Variants in MEAK7 observed in about 807,000 individuals in gnomAD.
MEAK7 encodes MTOR-associated protein MEAK7.
In MEAK7, 68 loss-of-function variants were observed where a neutral mutation model predicts 40.5. That is an observed-to-expected ratio of 1.68 (90% CI 1.38 to 2.06). MEAK7 has a LOEUF of 2.06. MEAK7 is among the 30% of genes most tolerant of loss of function. MEAK7 has a pLI of 0.00. For synonymous variants in MEAK7, 338 were observed against 231.9 expected (o/e 1.46, Z -4.16); for missense variants, 918 against 580.5 (o/e 1.58, Z -5.98).
chr16:84,489,615 C>G (rs963636847), intron 3 of MEAK7, among the ~76,000 whole-genome samples, 193 bp from the exon 4 acceptor site: 2 of 152,140 alleles, frequency 1.3e-5, no homozygotes, highest in African/African-American at 4.8e-5. Flanking sequence ...TTTCCCAAAG[C>G]CTTTGTCCAG....
At chr16:84,494,702 C>T in intron 3 of MEAK7, 1 of 402,476 alleles carries the variant, frequency 2.5e-6, no homozygotes, top group Non-Finnish European at 4.9e-6. Flanking sequence ...CATGAGACTT[C>T]ACAACCTGGT....
intron 1 of MEAK7, chr16:84,504,180 CAAG>C: frequency 7.1e-6 from 7 of 985,206 alleles, no homozygotes; most frequent in Non-Finnish European, 8.4e-6. Flanking sequence ...GGTCAGAATA[CAAG>C]AAGGAAAACC....
chr16:84,490,011 T>A (rs192547403), intron 3 of MEAK7, among the ~76,000 whole-genome samples: 1 of 152,312 alleles, frequency 6.6e-6, no homozygotes, highest in East Asian at 1.9e-4. Flanking sequence ...GTCTTAAAAA[T>A]TCTCCTGATG....
chr16:84,488,815 T>G (rs765522780), intron 4 of MEAK7, among the ~76,000 whole-genome samples: 1 of 152,172 alleles, frequency 6.6e-6, no homozygotes, highest in Non-Finnish European at 1.5e-5. Context: ...AATGTGCAAG[T>G]GTAAATGCTT....
In MEAK7 at chr16:84,480,018, G is replaced by T; in HGVS notation, c.1266C>A (p.Gly422=). ...GDPSEEQLAK[G]NKSILDADPE... ...GGTCCGCATCCAGGATGCTCTTGTT[G>T]CCCTTGGCCTTGAGAAGAGAAGAAA... is the stretch of plus-strand genomic sequence containing the variant. The change falls in exon 8 of 8, where the codon GGC becomes GGA. Residue 422 remains glycine (G), a synonymous_variant. Coordinates refer to ENST00000343629, the MANE Select transcript of MEAK7 (RefSeq NM_020947.4). The T allele has an allele frequency of 6.3e-7, 1 of 1,599,342 alleles. No individual in the cohort carries two copies. The highest frequency in any genetic ancestry group is 8.5e-7 in the Non-Finnish European group (1 of 1,170,036).
intron 5 of MEAK7, 107 bp downstream of exon 5, chr16:84,486,524 T>G: frequency 6.8e-7 from 1 of 1,477,316 alleles, no homozygotes; most frequent in Non-Finnish European, 9.0e-7. Flanking sequence ...AGAGAAACAC[T>G]TGGAGAAGAT....
At chr16:84,487,310 C>T (rs1403490960) in intron 4 of MEAK7, 4 of 463,734 alleles carry the variant, frequency 8.6e-6, no homozygotes, top group Non-Finnish European at 1.5e-5. Context: ...GTATTTAGGA[C>T]ATATTATTAG....
intron 5 of MEAK7, among the ~76,000 whole-genome samples, chr16:84,485,351 T>C (rs970762951): frequency 3.3e-5 from 5 of 152,336 alleles, no homozygotes; most frequent in East Asian, 1.9e-4. Flanking sequence ...ATCTAGGAGA[T>C]AGAGGTGCCC....
intron 1 of MEAK7, among the ~76,000 whole-genome samples, chr16:84,501,123 AAAG>A (rs1431555307): frequency 2.8e-5 from 4 of 140,672 alleles, no homozygotes; most frequent in Admixed American, 7.3e-5. Flanking sequence ...AAAAAAAAAA[AAAG>A]AGGGGAAACA....
chr16:84,486,684 T>C lies in MEAK7; in HGVS notation c.905A>G (p.His302Arg), dbSNP rs758146257. 1 of 1,613,956 alleles carries C rather than the reference T, an allele frequency of 6.2e-7. No homozygotes were observed. The highest frequency in any genetic ancestry group is 8.5e-7 in the Non-Finnish European group (1 of 1,180,000). ...CVAVLEDHDKHVFGGFASCSW... is the reference protein window; with the variant it reads ...CVAVLEDHDKRVFGGFASCSW... Reference sequence around the variant, plus strand: ...GCAAGAGGCAAACCCACCGAACACATGCTTGTCATGGTCCTCGAGGACAGC... The same window carrying C: ...GCAAGAGGCAAACCCACCGAACACACGCTTGTCATGGTCCTCGAGGACAGC... The change falls in exon 5 of 8, where the codon CAT (histidine) becomes CGT (arginine). Residue 302 changes from histidine to arginine, a missense_variant. Coordinates refer to ENST00000343629, the MANE Select transcript of MEAK7 (RefSeq NM_020947.4).
intron 1 of MEAK7, among the ~76,000 whole-genome samples, chr16:84,501,105 G>GAAAAAAAAAAAAAAAAAAAAA (rs35447624): frequency 9.6e-6 from 1 of 103,638 alleles, no homozygotes. Context: ...AAAAAAAAAA[G>GAAAAAAAAAAAAAAAAAAAAA]AAAAAAAAAA....
rs1218810587 is a variant in MEAK7 at position 84,485,669 on chromosome 16, T to TCTACCTAC, written c.958+961_958+962insGTAGGTAG. On this transcript the variant is annotated intron_variant, in intron 5 of 7. Coordinates refer to ENST00000343629, the MANE Select transcript of MEAK7 (RefSeq NM_020947.4). ...ATCCATCCATCCATCCATCCATCTA[T>TCTACCTAC]CTACCTATCTATCTATCTATCTATC... Among the ~76,000 whole-genome samples, 14 of 150,400 alleles carry TCTACCTAC rather than the reference T, an allele frequency of 9.3e-5. 3 individuals carry two copies. Among genetic ancestry groups the TCTACCTAC allele is most frequent in the South Asian group, 4.3e-4 (2 of 4,668 alleles).
Position 84,479,552 on chromosome 16 carries a change from G to C in MEAK7, c.*361C>G, listed in dbSNP as rs553575674. On this transcript the variant is annotated 3_prime_UTR_variant, in exon 8 of 8. Transcript: ENST00000343629. Reference sequence around the variant, plus strand: ...ATGCCAGCGGAATTCCCTAATGCCAGCGGAATTCCCTAATGCCAGCGGGGG... The same window carrying C: ...ATGCCAGCGGAATTCCCTAATGCCACCGGAATTCCCTAATGCCAGCGGGGG... 6.0e-6 allele frequency: 1 copy of C among 166,816 alleles called. No individual in the cohort carries two copies. The highest frequency in any genetic ancestry group is 2.0e-4 in the South Asian group (1 of 4,926). 10.3% of individuals were successfully genotyped at this position (166,816 alleles called of 1,614,324 possible). A position where few individuals can be genotyped will look rare whatever the true frequency, so the allele number is the denominator to read the frequency against.
At chr16:84,494,746 G>C (rs2150641812) in intron 3 of MEAK7, 1 of 440,188 alleles carries the variant, frequency 2.3e-6, no homozygotes, top group Non-Finnish European at 4.5e-6. Flanking sequence ...TATCTGACTA[G>C]GAATAAACCA....
chr16:84,503,351 C>G (rs1914651127), intron 1 of MEAK7, among the ~76,000 whole-genome samples: 1 of 152,204 alleles, frequency 6.6e-6, no homozygotes, highest in African/African-American at 2.4e-5. Flanking sequence ...CAGTAACAAA[C>G]TGCTAGGTAA....
At chr16:84,483,565 C>T (rs1041385531) in intron 5 of MEAK7, among the ~76,000 whole-genome samples, 2 of 152,288 alleles carry the variant, frequency 1.3e-5, no homozygotes, top group Middle Eastern at 3.4e-3. Context: ...ATTGGGGGCA[C>T]CATGATGGAA....
At chr16:84,504,493 G>T in intron 1 of MEAK7, 108 bp downstream of exon 1, 1 of 698,116 alleles carries the variant, frequency 1.4e-6, no homozygotes, top group South Asian at 6.4e-5. Context: ...GGAGGCCAGG[G>T]AGGGGCAGGG....
intron 2 of MEAK7, among the ~76,000 whole-genome samples, chr16:84,496,576 C>T (rs376969712): frequency 4.6e-5 from 7 of 152,174 alleles, no homozygotes; most frequent in Non-Finnish European, 7.3e-5. Context: ...TTCCACTCAT[C>T]GTGAGCCGTA....
intron 5 of MEAK7, among the ~76,000 whole-genome samples, chr16:84,484,751 G>A (rs953935439): frequency 6.6e-6 from 1 of 152,138 alleles, no homozygotes; most frequent in Non-Finnish European, 1.5e-5. Context: ...AGGACAAGCG[G>A]ACAGCACGCT....
Sources: gnomAD v4.1 joint callset for allele counts (sites outside exome capture counted in the v4.1 genomes callset) on GRCh38, gnomAD v4.1.1 for gene constraint, MANE v1.5 for transcripts, NCBI Gene and HGNC (gene_info 2026-07-23, HGNC 2026-07-21) for gene names.